Variants in PTPN3 observed in about 807,000 individuals in gnomAD.
PTPN3 encodes tyrosine-protein phosphatase non-receptor type 3.
Under a neutral mutation model 132.7 loss-of-function variants are expected in PTPN3, and 96 were observed. The ratio of observed to expected loss-of-function variants is 0.72; its 90% confidence interval spans 0.61 to 0.86. The LOEUF (loss-of-function observed/expected upper bound fraction) is 0.86, where lower values mean the gene tolerates loss of function less well. Ranked by LOEUF, PTPN3 falls within the 40% of genes least tolerant of loss-of-function variation. The pLI, the probability that PTPN3 is intolerant of heterozygous loss-of-function variation, is 0.00. For missense variants in PTPN3, 1,125 were observed against 1,159.6 expected, an observed-to-expected ratio of 0.97 and a Z score of 0.43; for synonymous variants, 398 against 429.0, an observed-to-expected ratio of 0.93 and a Z score of 0.89.
At chr9:109,389,035 T>A (rs548534226) in intron 22 of PTPN3, among the ~76,000 whole-genome samples, 198 bp downstream of exon 22, 98 of 152,142 alleles carry the variant, frequency 6.4e-4, no homozygotes, top group African/African-American at 2.2e-3. Context: ...TTGTAATGGA[T>A]CCAAGCTGGG....
At chr9:109,396,004 G>A (rs944396532) in intron 19 of PTPN3, among the ~76,000 whole-genome samples, 2 of 151,982 alleles carry the variant, frequency 1.3e-5, no homozygotes, top group Non-Finnish European at 2.9e-5. Flanking sequence ...TCTGTATACA[G>A]GCGTGCGCCA....
At chr9:109,499,161 C>G (rs1241147330), upstream of PTPN3, among the ~76,000 whole-genome samples, 1 of 151,918 alleles carries the variant, frequency 6.6e-6, no homozygotes, top group Non-Finnish European at 1.5e-5. Context: ...AGATAAACAG[C>G]AAATTAGCAA....
At chr9:109,466,716 G>T (rs1433188002) in intron 1 of PTPN3, among the ~76,000 whole-genome samples, 3 of 152,162 alleles carry the variant, frequency 2.0e-5, no homozygotes, top group Non-Finnish European at 4.4e-5. Context: ...ACGGGTAATT[G>T]GAAAAGTAGC....
At chr9:109,509,065 C>T in the PTPN3 span, among the ~76,000 whole-genome samples, 1 of 152,174 alleles carries the variant, frequency 6.6e-6, no homozygotes, top group Admixed American at 6.5e-5. Flanking sequence ...GTGAAGGGCA[C>T]ATTCTTTTGT....
chr9:109,399,473 T>C (rs1172883916), intron 19 of PTPN3, among the ~76,000 whole-genome samples: 5 of 152,188 alleles, frequency 3.3e-5, no homozygotes, highest in Non-Finnish European at 5.9e-5. Flanking sequence ...TTCACAGTAC[T>C]GTTGTGAGAG....
rs190384815 is a variant in PTPN3 at position 109,492,078 on chromosome 9, G to A, written c.-18+6141C>T. On this transcript the variant is annotated intron_variant, in intron 1 of 25. Transcript: ENST00000374541. ...ACACTTTATTTTCTACAAGAACCATGAATGCATTTGATAACCAGAGCAGGG... is the reference window on the plus strand; with the variant it reads ...ACACTTTATTTTCTACAAGAACCATAAATGCATTTGATAACCAGAGCAGGG... Among the ~76,000 whole-genome samples, 125 of 152,246 alleles carry A rather than the reference G, an allele frequency of 8.2e-4. 1 individual carries two copies. The highest frequency in any genetic ancestry group is 5.9e-5 in the Non-Finnish European group (4 of 68,026).
intron 19 of PTPN3, among the ~76,000 whole-genome samples, chr9:109,395,207 C>T (rs190674478): frequency 6.6e-6 from 1 of 150,706 alleles, no homozygotes; most frequent in East Asian, 2.0e-4. Context: ...GACTATTTTA[C>T]TTTGGTTATT....
intron 9 of PTPN3, among the ~76,000 whole-genome samples, chr9:109,436,356 G>A (rs760958598): frequency 5.9e-5 from 9 of 152,080 alleles, no homozygotes; most frequent in Admixed American, 3.3e-4. Flanking sequence ...TATTACCGCA[G>A]GAAATAATCC....
At chr9:109,391,902 T>A (rs1840154281) in intron 19 of PTPN3, among the ~76,000 whole-genome samples, 1 of 136,962 alleles carries the variant, frequency 7.3e-6, no homozygotes, top group Non-Finnish European at 1.5e-5. Context: ...TGGCTCAAAA[T>A]TAAATGGAAA....
the PTPN3 span, among the ~76,000 whole-genome samples, chr9:109,506,497 T>TA: frequency 6.7e-6 from 1 of 149,882 alleles, no homozygotes; most frequent in Non-Finnish European, 1.5e-5. Flanking sequence ...CCTACCTACC[T>TA]TCTTTCCTTC....
At chr9:109,508,245 C>T in the PTPN3 span, among the ~76,000 whole-genome samples, 1 of 151,506 alleles carries the variant, frequency 6.6e-6, no homozygotes, top group Non-Finnish European at 1.5e-5. Flanking sequence ...ACTGCAAGCT[C>T]TGCCTCCCGG....
intron 1 of PTPN3, among the ~76,000 whole-genome samples, chr9:109,478,111 T>A (rs1846776669): frequency 6.6e-6 from 1 of 151,976 alleles, no homozygotes; most frequent in South Asian, 2.1e-4. Flanking sequence ...TAGCAAGAAA[T>A]AACCCTGGGT....
In PTPN3 at chr9:109,468,732, A is replaced by G. The variant is rs1846226918; in HGVS notation, c.-17-5281T>C. Among the ~76,000 whole-genome samples the G allele has an allele frequency of 2.0e-5, 3 of 152,246 alleles. No homozygotes were observed. The South Asian group carries it at 6.2e-4, about 31-fold the overall frequency. On this transcript the variant is annotated intron_variant, in intron 1 of 25. Coordinates refer to ENST00000374541, the MANE Select transcript of PTPN3 (RefSeq NM_002829.4). ...AGCAAGAGGCAACACCTCACTTTGTAAACAGTAGGGGCACAATAAAGACCA... is the reference window on the plus strand; with the variant it reads ...AGCAAGAGGCAACACCTCACTTTGTGAACAGTAGGGGCACAATAAAGACCA...
At chr9:109,508,610 A>C in the PTPN3 span, among the ~76,000 whole-genome samples, 1 of 152,226 alleles carries the variant, frequency 6.6e-6, no homozygotes, top group African/African-American at 2.4e-5. Context: ...GCCCCTTACA[A>C]AAAAATTGCT....
At chr9:109,450,590 A>G in intron 5 of PTPN3, 1 of 985,098 alleles carries the variant, frequency 1.0e-6, no homozygotes, top group Non-Finnish European at 1.2e-6. Context: ...GTGGAACCCA[A>G]CCCGAGCTTG....
chr9:109,483,236 G>A (rs1847047201), intron 1 of PTPN3, among the ~76,000 whole-genome samples: 1 of 152,210 alleles, frequency 6.6e-6, no homozygotes, highest in Non-Finnish European at 1.5e-5. Context: ...TTTAGACCAT[G>A]TTCCTGGCAA....
At position 109,381,635 on chromosome 9, in the gene PTPN3, A is replaced by T; in HGVS notation, c.2664+17T>A. The stretch of plus-strand genomic sequence containing the variant: ...TCAGAAAGTGCCAGCCACCGTAATT[A>T]CTGGATTTCTACTCACTGATGTCTG... On this transcript the variant is annotated intron_variant, in intron 25 of 25. Coordinates refer to ENST00000374541, the MANE Select transcript of PTPN3 (RefSeq NM_002829.4). 6.2e-7 allele frequency: 1 copy of T among 1,614,012 alleles called. No individual in the cohort carries two copies. The highest frequency in any genetic ancestry group is 1.7e-5 in the Admixed American group (1 of 60,026).
intron 14 of PTPN3, among the ~76,000 whole-genome samples, chr9:109,413,076 G>C (rs1842201843): frequency 6.6e-6 from 1 of 151,420 alleles, no homozygotes. Flanking sequence ...CTCCCATGTA[G>C]CTGGGACTAC....
chr9:109,430,263 C>A (rs1356114551), intron 10 of PTPN3, among the ~76,000 whole-genome samples: 1 of 152,164 alleles, frequency 6.6e-6, no homozygotes, highest in East Asian at 1.9e-4. Flanking sequence ...AATCAACTCC[C>A]CTTTTGAGTT....
Sources: allele counts gnomAD v4.1 joint callset (sites outside exome capture counted in the v4.1 genomes callset), GRCh38; gene constraint gnomAD v4.1.1; transcripts MANE v1.5; gene names NCBI Gene and HGNC (gene_info 2026-07-23, HGNC 2026-07-21).